Variants in FGF14 observed in about 807,000 individuals in gnomAD.
FGF14 encodes fibroblast growth factor 14.
FGF14 carries 5 observed loss-of-function variants against 25.5 expected under a neutral mutation model. The ratio of observed to expected loss-of-function variants is 0.20; its 90% confidence interval spans 0.10 to 0.41. The LOEUF (loss-of-function observed/expected upper bound fraction) is 0.41, where lower values mean the gene tolerates loss of function less well. FGF14 is among the 10% of genes least tolerant of loss of function. The pLI is 1.00. For missense variants in FGF14, 222 were observed against 320.1 expected, an observed-to-expected ratio of 0.69 and a Z score of 2.34; for synonymous variants, 138 against 118.3, an observed-to-expected ratio of 1.17 and a Z score of -1.08.
At chr13:102,304,407 C>G (rs1407610848) in intron 1 of FGF14, among the ~76,000 whole-genome samples, 1 of 152,064 alleles carries the variant, frequency 6.6e-6, no homozygotes, top group East Asian at 1.9e-4. Flanking sequence ...CTGATTCTTC[C>G]CTAACACGGG....
intron 3 of FGF14, among the ~76,000 whole-genome samples, chr13:101,794,113 T>G (rs1196506271): frequency 6.6e-6 from 1 of 152,022 alleles, no homozygotes; most frequent in Non-Finnish European, 1.5e-5. Flanking sequence ...CTGACTCAAT[T>G]TCTTTTTTTG....
At chr13:101,975,124 C>G (rs1168048268) in intron 1 of FGF14, among the ~76,000 whole-genome samples, 1 of 152,116 alleles carries the variant, frequency 6.6e-6, no homozygotes, top group Non-Finnish European at 1.5e-5. Flanking sequence ...TGACGACTGA[C>G]ACCTTCCCTG....
intron 3 of FGF14, among the ~76,000 whole-genome samples, chr13:101,776,536 C>G (rs1315537874): frequency 1.3e-5 from 2 of 152,058 alleles, no homozygotes; most frequent in Admixed American, 1.3e-4. Context: ...CAAAAGGCAG[C>G]CTTCGAGGGT....
intron 1 of FGF14, among the ~76,000 whole-genome samples, chr13:102,207,886 C>T (rs1227120044): frequency 7.4e-6 from 1 of 134,758 alleles, no homozygotes; most frequent in Non-Finnish European, 1.6e-5. Context: ...GCCAGTTCCT[C>T]CATCTACACT....
intron 1 of FGF14, among the ~76,000 whole-genome samples, chr13:102,149,323 T>A (rs2046983669): frequency 6.6e-6 from 1 of 152,074 alleles, no homozygotes; most frequent in Non-Finnish European, 1.5e-5. Context: ...AGGTGTTACT[T>A]AAAAAAAGAA....
At chr13:101,833,040 C>T (rs1594414934) in intron 3 of FGF14, among the ~76,000 whole-genome samples, 1 of 152,018 alleles carries the variant, frequency 6.6e-6, no homozygotes, top group Non-Finnish European at 1.5e-5. Flanking sequence ...AGCAGTAGTT[C>T]ACCGCCCTGG....
intron 1 of FGF14, among the ~76,000 whole-genome samples, chr13:102,206,554 G>A (rs772944810): frequency 4.1e-4 from 62 of 152,010 alleles, no homozygotes; most frequent in South Asian, 2.1e-4. Context: ...GGTGATGTGC[G>A]CCTGTACTCC....
rs1187105541 is a variant in FGF14, at chr13:101,711,700, T to A, written c.*11131A>T. 6.6e-6 allele frequency: 1 copy of A among 152,218 alleles called. No homozygotes were observed. Among genetic ancestry groups the A allele is most frequent in the Non-Finnish European group, 1.5e-5 (1 of 68,054 alleles). The allele number at this position is 152,218 out of a possible 1,614,324, so 9.4% of individuals were successfully genotyped here. ...ATCTTTGAAGGTAAAATTTCATTTC[T>A]TTCCCCTTCCTATGTCCTAAGATGC... On this transcript the variant is annotated 3_prime_UTR_variant, in exon 5 of 5. Coordinates refer to ENST00000376143, the MANE Select transcript of FGF14 (RefSeq NM_004115.4).
chr13:102,083,782 C>T (rs541967650), intron 1 of FGF14, among the ~76,000 whole-genome samples: 6 of 152,228 alleles, frequency 3.9e-5, no homozygotes, highest in African/African-American at 1.4e-4. Flanking sequence ...GAAACTGTTT[C>T]CACAGGTCAC....
At chr13:102,083,419 T>C (rs1176677475) in intron 1 of FGF14, among the ~76,000 whole-genome samples, 1 of 145,458 alleles carries the variant, frequency 6.9e-6, no homozygotes, top group East Asian at 1.9e-4. Flanking sequence ...TCATTAAGTG[T>C]TGGGTTTTTT....
chr13:101,871,960 CAG>C (rs1248259061), intron 2 of FGF14, among the ~76,000 whole-genome samples: 2 of 152,024 alleles, frequency 1.3e-5, no homozygotes, highest in Admixed American at 1.3e-4. Context: ...CCTTGGAGAA[CAG>C]GGGCACCAAC....
intron 1 of FGF14, among the ~76,000 whole-genome samples, chr13:102,155,213 C>A (rs1367569272): frequency 6.6e-6 from 1 of 152,198 alleles, no homozygotes; most frequent in East Asian, 1.9e-4. Context: ...AATATACATT[C>A]TTTTCAGCAC....
chr13:101,735,463 A>T (rs2036116800), intron 3 of FGF14, among the ~76,000 whole-genome samples: 1 of 152,180 alleles, frequency 6.6e-6, no homozygotes, highest in African/African-American at 2.4e-5. Flanking sequence ...AGCAACAAAT[A>T]TAAGGAGCAA....
intron 4 of FGF14, among the ~76,000 whole-genome samples, chr13:101,723,306 C>T (rs1324055421): frequency 3.9e-5 from 6 of 151,974 alleles, no homozygotes; most frequent in Middle Eastern, 3.4e-3. Flanking sequence ...GAATGACAGG[C>T]ATTTAACTTA....
chr13:101,796,439 T>C (rs1034754523), intron 3 of FGF14, among the ~76,000 whole-genome samples: 1 of 151,964 alleles, frequency 6.6e-6, no homozygotes, highest in Admixed American at 6.6e-5. Context: ...TATGCCCCCA[T>C]ATTTTGTTTT....
chr13:102,245,056 AT>A (rs575669559), intron 1 of FGF14, among the ~76,000 whole-genome samples: 1 of 152,144 alleles, frequency 6.6e-6, no homozygotes. Context: ...CTGCAGAGAT[AT>A]TTATCACATC....
chr13:102,277,376 A>C (rs2053599937), intron 1 of FGF14, among the ~76,000 whole-genome samples: 1 of 152,224 alleles, frequency 6.6e-6, no homozygotes, highest in African/African-American at 2.4e-5. Context: ...CCTCTCAGCT[A>C]TCTCTGGGAA....
intron 1 of FGF14, among the ~76,000 whole-genome samples, chr13:102,212,075 G>A (rs1329433534): frequency 2.0e-5 from 3 of 152,174 alleles, no homozygotes; most frequent in South Asian, 4.1e-4. Context: ...AGGACGTTAG[G>A]GAATAAACAG....
At chr13:102,005,201 C>T (rs2039715994) in intron 1 of FGF14, among the ~76,000 whole-genome samples, 1 of 152,116 alleles carries the variant, frequency 6.6e-6, no homozygotes, top group South Asian at 2.1e-4. Context: ...ACCTGTTTTC[C>T]ACAGAAAGGA....
Sources: gnomAD v4.1 joint callset for allele counts (sites outside exome capture counted in the v4.1 genomes callset) on GRCh38, gnomAD v4.1.1 for gene constraint, MANE v1.5 for transcripts, NCBI Gene and HGNC (gene_info 2026-07-23, HGNC 2026-07-21) for gene names.